ATP6V1D: variants seen among roughly 807,000 people sequenced by gnomAD.
ATP6V1D encodes the protein V-type proton ATPase subunit D.
A neutral mutation model predicts 39.4 loss-of-function variants in ATP6V1D; 20 were observed. The ratio of observed to expected loss-of-function variants is 0.51; its 90% CI spans 0.36 to 0.74. The LOEUF is 0.74. Ranked by LOEUF, ATP6V1D falls within the 30% of genes least tolerant of loss-of-function variation. The pLI is 0.00. For missense variants in ATP6V1D, 228 were observed against 291.6 expected (o/e 0.78, Z 1.59); for synonymous variants, 100 against 100.5 (o/e 0.99, Z 0.03).
At chr14:67,343,240 C>G (rs540253157) in intron 7 of ATP6V1D, 132 bp downstream of exon 7, 2 of 626,120 alleles carry the variant, frequency 3.2e-6, no homozygotes, top group African/African-American at 3.7e-5. Context: ...ACACTTCTCT[C>G]TTTGCACTGT....
rs1295443301 is a variant in ATP6V1D, at chr14:67,340,534, A to AT, written c.524-17_524-16insA. ...GGAATGATGACTAGAATAAAAAAAA[A>AT]AATAATATGTGTGAGAACTTCAAAC... On this transcript the variant is annotated splice_polypyrimidine_tract_variant and intron_variant, in intron 7 of 8. Coordinates refer to ENST00000216442, the MANE Select transcript of ATP6V1D (RefSeq NM_015994.4). 1.2e-6 allele frequency: 2 copies of AT among 1,604,516 alleles called. No homozygotes were observed. The highest frequency in any genetic ancestry group is 4.5e-5 in the East Asian group (2 of 44,782).
In ATP6V1D at chr14:67,349,081, T is replaced by C. The variant is rs767024105; in HGVS notation, c.263A>G (p.Asn88Ser). The change falls in exon 4 of 9, where the codon AAT (asparagine) becomes AGT (serine). Residue 88 changes from asparagine to serine, a missense_variant. Around this residue, in one of 3 missense-constraint regions of ATP6V1D, gnomAD observed 104 missense variants for 120.2 expected, o/e 0.87. Coordinates refer to ENST00000216442, the MANE Select transcript of ATP6V1D (RefSeq NM_015994.4). ...DFSTTVIQNV[N>S]KAQVKIRAKK... ...CGCTCGAATCTTCACTTGCGCTTTA[T>C]TGACATTTTGGATAACTGTAGTGCT... 7 of 1,614,174 alleles carry C rather than the reference T, an allele frequency of 4.3e-6. No homozygotes were observed. The Admixed American group carries it at 5.0e-5, about 12-fold the overall frequency.
chr14:67,350,707 C>T lies in ATP6V1D; in HGVS notation c.160-17G>A. ...CATTTTAGTCTGGAAAAGCATAAAC[C>T]AACAGCAGATTCAACCAAGCCTTTT... is the stretch of plus-strand genomic sequence containing the variant. On this transcript the variant is annotated splice_polypyrimidine_tract_variant and intron_variant, in intron 2 of 8. Transcript: ENST00000216442. 6.2e-7 allele frequency: 1 copy of T among 1,608,836 alleles called. No homozygotes were observed. Among genetic ancestry groups the T allele is most frequent in the Non-Finnish European group, 8.5e-7 (1 of 1,176,296 alleles).
intron 1 of ATP6V1D, among the ~76,000 whole-genome samples, chr14:67,355,829 C>T (rs1284744531): frequency 7.7e-6 from 1 of 130,514 alleles, no homozygotes; most frequent in South Asian, 2.4e-4. Context: ...CCTGTCTCTA[C>T]AAAAAAAAAA....
chr14:67,355,147 C>T (rs1346338671), intron 1 of ATP6V1D, among the ~76,000 whole-genome samples: 1 of 152,054 alleles, frequency 6.6e-6, no homozygotes, highest in African/African-American at 2.4e-5. Flanking sequence ...ACCACATTTT[C>T]TATTAAAAGT....
intron 8 of ATP6V1D, chr14:67,340,087 A>C (rs1346424041): frequency 5.8e-6 from 1 of 171,038 alleles, no homozygotes; most frequent in Non-Finnish European, 1.2e-5. Context: ...AAAGGTAATG[A>C]GTTCTCTCTA....
chr14:67,342,365 C>G (rs1365795042), intron 7 of ATP6V1D, among the ~76,000 whole-genome samples: 1 of 151,742 alleles, frequency 6.6e-6, no homozygotes, highest in East Asian at 1.9e-4. Context: ...AAATACAACA[C>G]TGAATGTGCT....
At chr14:67,348,984 T>A in intron 4 of ATP6V1D, 53 bp downstream of exon 4, 1 of 1,553,430 alleles carries the variant, frequency 6.4e-7, no homozygotes, top group Non-Finnish European at 8.9e-7. Flanking sequence ...AGGTTAATTT[T>A]AAAATGTCAC....
At chr14:67,342,740 T>A (rs1170815689) in intron 7 of ATP6V1D, among the ~76,000 whole-genome samples, 1 of 151,002 alleles carries the variant, frequency 6.6e-6, no homozygotes. Context: ...TATACATAGT[T>A]AATATAATAG....
intron 2 of ATP6V1D, chr14:67,352,591 G>C: frequency 5.2e-6 from 1 of 191,068 alleles, no homozygotes; most frequent in Non-Finnish European, 1.1e-5. Context: ...AACAGCTAAA[G>C]GAGCCAGTTA....
rs767180514 is a variant in ATP6V1D, at chr14:67,340,424, GC to G, written c.602+15del. ...GGAAAACAAAAGATGATCAATAACT[GC>G]CAATTTCAACAAACCTATAGAACTC... is the stretch of plus-strand genomic sequence containing the variant. On this transcript the variant is annotated intron_variant, in intron 8 of 8. Coordinates refer to ENST00000216442, the MANE Select transcript of ATP6V1D (RefSeq NM_015994.4). The G allele has an allele frequency of 6.2e-6, 10 of 1,607,118 alleles. No homozygotes were observed. In the East Asian group the frequency reaches 2.0e-4, roughly 32 times the overall value.
chr14:67,352,918 T>G lies in ATP6V1D; in HGVS notation c.159+5A>C, dbSNP rs372649168. 1 of 1,582,600 alleles carries G rather than the reference T, an allele frequency of 6.3e-7. No homozygotes were observed. The highest frequency in any genetic ancestry group is 1.4e-5 in the African/African-American group (1 of 73,998). ...AAATACTATTCTAAGAAAAGTTCAT[T>G]CTACCTCTATTATCTTCTTTAGGAT... On this transcript the variant is annotated splice_donor_5th_base_variant and intron_variant, in intron 2 of 8. Coordinates refer to ENST00000216442, the MANE Select transcript of ATP6V1D (RefSeq NM_015994.4).
chr14:67,349,010 AG>A lies in ATP6V1D; in HGVS notation c.307+26del, dbSNP rs746857045. 38 of 1,603,696 alleles carry A rather than the reference AG, an allele frequency of 2.4e-5. No homozygotes were observed. In the Admixed American group the frequency reaches 2.7e-4, roughly 11 times the overall value. On this transcript the variant is annotated intron_variant, in intron 4 of 8. Coordinates refer to ENST00000216442, the MANE Select transcript of ATP6V1D (RefSeq NM_015994.4). The stretch of plus-strand genomic sequence containing the variant: ...AAAATGTCACCTCTTTTCTCCCCAA[AG>A]GGTTTCTAAAAGGTTGAAACGTTAC...
chr14:67,340,455 C>G lies in ATP6V1D; in HGVS notation c.587G>C (p.Arg196Pro). ...TTCAACAAACCTATAGAACTCTTCT[C>G]GCTCTCTCTCATCCAGCTCTGTGAT... is the stretch of plus-strand genomic sequence containing the variant. ...YIITELDERE[R>P]EEFYRLKKIQ... is the part of the protein sequence containing the mutation. The change falls in exon 8 of 9, where the codon CGA becomes CCA. Residue 196 changes from arginine to proline, a missense_variant. Physicochemically the swap from Arg to Pro is moderately radical, Grantham distance 103 (BLOSUM62 -2). Transcript: ENST00000216442. The G allele has an allele frequency of 6.2e-7, 1 of 1,613,836 alleles. No individual in the cohort carries two copies. The highest frequency in any genetic ancestry group is 8.5e-7 in the Non-Finnish European group (1 of 1,179,842).
intron 4 of ATP6V1D, among the ~76,000 whole-genome samples, chr14:67,348,519 TA>T (rs1306261455): frequency 6.6e-6 from 1 of 150,462 alleles, no homozygotes. Context: ...CTGACTTCTT[TA>T]TTTTTTTATT....
At chr14:67,346,429 G>A (rs2085620021) in intron 5 of ATP6V1D, among the ~76,000 whole-genome samples, 2 of 151,996 alleles carry the variant, frequency 1.3e-5, no homozygotes, top group African/African-American at 4.8e-5. Flanking sequence ...CTCCCACCTC[G>A]GCCTCCCGAG....
intron 2 of ATP6V1D, 61 bp downstream of exon 2, chr14:67,352,860 AAT>A (rs909941318): frequency 9.1e-7 from 1 of 1,093,642 alleles, no homozygotes; most frequent in Non-Finnish European, 1.3e-6. Context: ...CAAAAAAAAA[AAT>A]GCCAAGGGCC....
intron 2 of ATP6V1D, among the ~76,000 whole-genome samples, chr14:67,351,246 T>C (rs778216266): frequency 2.0e-5 from 3 of 152,120 alleles, no homozygotes; most frequent in Non-Finnish European, 4.4e-5. Flanking sequence ...CCCAGGTCTA[T>C]ATGGAAATTT....
chr14:67,342,800 TTTC>T (rs1329634055), intron 7 of ATP6V1D, among the ~76,000 whole-genome samples: 8 of 151,898 alleles, frequency 5.3e-5, no homozygotes, highest in Non-Finnish European at 8.8e-5. Context: ...AGCAAAGGAA[TTTC>T]TTTACTTCAA....
Sources: allele counts gnomAD v4.1 joint callset (sites outside exome capture counted in the v4.1 genomes callset), GRCh38; gene constraint gnomAD v4.1.1; regional missense constraint gnomAD v4.1.1; transcripts MANE v1.5; gene names NCBI Gene and HGNC (gene_info 2026-07-23, HGNC 2026-07-21).